Variants in CDK8 observed in about 807,000 individuals in gnomAD.
CDK8 encodes cyclin-dependent kinase 8.
Under a neutral mutation model 71.5 loss-of-function variants are expected in CDK8, and 29 were observed. The ratio of observed to expected loss-of-function variants is 0.41; its 90% CI spans 0.30 to 0.55. CDK8 has a LOEUF of 0.55. CDK8 is among the 20% of genes least tolerant of loss of function. The pLI, the probability that CDK8 is intolerant of heterozygous loss-of-function variation, is 0.37. For synonymous variants in CDK8, 161 were observed against 192.1 expected (o/e 0.84, Z 1.34); for missense variants, 288 against 572.6 (o/e 0.50, Z 5.07).
chr13:26,363,325 C>A (rs369386574), intron 4 of CDK8, among the ~76,000 whole-genome samples: 2 of 784 alleles, frequency 2.6e-3, no homozygotes, highest in African/African-American at 0.014. Context: ...AAGACTCCAT[C>A]TCAAAAAAAA....
At chr13:26,267,142 A>C (rs1311487025) in intron 1 of CDK8, among the ~76,000 whole-genome samples, 4 of 151,960 alleles carry the variant, frequency 2.6e-5, no homozygotes, top group Admixed American at 6.5e-5. Flanking sequence ...GATGATACAT[A>C]TGCATATATT....
chr13:26,373,063 TCTGTCCACAC>T (rs1366740928), intron 4 of CDK8, among the ~76,000 whole-genome samples: 3 of 152,164 alleles, frequency 2.0e-5, no homozygotes, highest in African/African-American at 7.2e-5. Context: ...GAAAAGTTCT[TCTGTCCACAC>T]CTGCTTAGGT....
At position 26,393,654 on chromosome 13, in the gene CDK8, C is replaced by T. The variant is rs927314321; in HGVS notation, c.790+144C>T. 3.9e-5 allele frequency: 31 copies of T among 790,282 alleles called. No homozygotes were observed. The African/African-American group carries it at 5.2e-4, about 13-fold the overall frequency. The allele number at this position is 790,282 out of a possible 1,614,324, so 49.0% of individuals were successfully genotyped here. A position where few individuals can be genotyped will look rare whatever the true frequency, so the allele number is the denominator to read the frequency against. Reference sequence around the variant, plus strand: ...TTTTGACTTGCATTTATCAAAGATCCGTAGAAACAGCAAAATTTGTAGAGT... The same window carrying T: ...TTTTGACTTGCATTTATCAAAGATCTGTAGAAACAGCAAAATTTGTAGAGT... On this transcript the variant is annotated intron_variant, in intron 7 of 12. Transcript: ENST00000381527.
chr13:26,282,390 C>T (rs1344226662), intron 1 of CDK8, among the ~76,000 whole-genome samples: 5 of 152,154 alleles, frequency 3.3e-5, no homozygotes, highest in African/African-American at 1.2e-4. Flanking sequence ...CCCTACAAGC[C>T]AGAAGGGATT....
At chr13:26,340,134 C>CT (rs1486839042) in intron 2 of CDK8, among the ~76,000 whole-genome samples, 2 of 151,952 alleles carry the variant, frequency 1.3e-5, no homozygotes, top group East Asian at 1.9e-4. Context: ...TTATCAAATG[C>CT]TTTTTTCTGC....
intron 1 of CDK8, among the ~76,000 whole-genome samples, chr13:26,304,531 A>G (rs529353516): frequency 1.5e-4 from 23 of 152,156 alleles, no homozygotes; most frequent in African/African-American, 5.5e-4. Flanking sequence ...TAGAGATTAA[A>G]ACATGCATTT....
chr13:26,281,962 A>T (rs1593236661), intron 1 of CDK8, among the ~76,000 whole-genome samples: 1 of 152,090 alleles, frequency 6.6e-6, no homozygotes, highest in African/African-American at 2.4e-5. Flanking sequence ...AAATAGAAGA[A>T]AGAACTTCAG....
At chr13:26,351,615 A>G (rs924514280) in intron 3 of CDK8, among the ~76,000 whole-genome samples, 2 of 152,206 alleles carry the variant, frequency 1.3e-5, no homozygotes, top group African/African-American at 4.8e-5. Context: ...TTAATTTTAC[A>G]TGTAGGTACA....
At chr13:26,329,862 G>T (rs867968987) in intron 1 of CDK8, among the ~76,000 whole-genome samples, 10 of 152,004 alleles carry the variant, frequency 6.6e-5, no homozygotes, top group African/African-American at 2.4e-4. Context: ...TTTATTTTGT[G>T]GTATGTTTAG....
chr13:26,309,059 AC>A lies in CDK8; in HGVS notation c.129-28507del, dbSNP rs202232917. Among the ~76,000 whole-genome samples the A allele has an allele frequency of 6.1e-3, 922 of 152,242 alleles. 13 individuals carry two copies. Among genetic ancestry groups the A allele is most frequent in the African/African-American group, 0.021 (892 of 41,498 alleles). ...AATGAATCAGCATTTTCCTGTACTT[AC>A]GACAGTGCTAGGAACATAGTATTTA... On this transcript the variant is annotated intron_variant, in intron 1 of 12. Transcript: ENST00000381527.
chr13:26,261,398 C>T (rs923030706), intron 1 of CDK8, among the ~76,000 whole-genome samples: 2 of 152,158 alleles, frequency 1.3e-5, no homozygotes, highest in Non-Finnish European at 2.9e-5. Context: ...GTGCAACCAC[C>T]ATCACTGTCT....
At chr13:26,298,500 C>G (rs888168302) in intron 1 of CDK8, among the ~76,000 whole-genome samples, 11 of 152,112 alleles carry the variant, frequency 7.2e-5, no homozygotes, top group Non-Finnish European at 1.2e-4. Context: ...ACAGCTCTAG[C>G]AAAGTGGATG....
At position 26,368,173 on chromosome 13, in the gene CDK8, C is replaced by T. The variant is rs17083936; in HGVS notation, c.456+14293C>T. On this transcript the variant is annotated intron_variant, in intron 4 of 12. Transcript: ENST00000381527. ...CCACATTTTACACAGTCGAATTTTT[C>T]GGACTCCAATAATTGCCTCATGGTC... Among the ~76,000 whole-genome samples, 627 of 152,274 alleles carry T rather than the reference C, an allele frequency of 4.1e-3. 5 individuals carry two copies. Among genetic ancestry groups the T allele is most frequent in the African/African-American group, 0.014 (564 of 41,530 alleles).
rs779227421 is a variant in CDK8 at position 26,337,539 on chromosome 13, A to G, written c.129-28A>G. ...AATGCACATAAATATAGATTTATCTATATATTAAAATAACTTTGTTTTTAC... is the reference window on the plus strand; with the variant it reads ...AATGCACATAAATATAGATTTATCTGTATATTAAAATAACTTTGTTTTTAC... On this transcript the variant is annotated intron_variant, in intron 1 of 12. Transcript: ENST00000381527. 6.5e-6 allele frequency: 6 copies of G among 925,342 alleles called. No homozygotes were observed. In the South Asian group the frequency reaches 8.8e-5, roughly 14 times the overall value. 57.3% of individuals were successfully genotyped at this position (925,342 alleles called of 1,614,324 possible). A position where few individuals can be genotyped will look rare whatever the true frequency, so the allele number is the denominator to read the frequency against.
At chr13:26,287,174 G>C (rs1873062458) in intron 1 of CDK8, among the ~76,000 whole-genome samples, 2 of 152,126 alleles carry the variant, frequency 1.3e-5, no homozygotes, top group Non-Finnish European at 2.9e-5. Context: ...GTCATTATTT[G>C]AAAAAGACAC....
chr13:26,330,899 C>G (rs572134771), intron 1 of CDK8, among the ~76,000 whole-genome samples: 2 of 152,260 alleles, frequency 1.3e-5, no homozygotes, highest in South Asian at 4.2e-4. Flanking sequence ...CTGCCATAAG[C>G]ATGTGAGTGC....
intron 6 of CDK8, 117 bp from the exon 7 acceptor site, chr13:26,393,250 T>G (rs2138062605): frequency 3.2e-6 from 2 of 623,204 alleles, no homozygotes; most frequent in East Asian, 5.7e-5. Context: ...AAAAAAACAC[T>G]CCCCAAGAAA....
rs71431790 is a variant in CDK8 at position 26,354,553 on chromosome 13, G to A, written c.456+673G>A. 5.0e-3 allele frequency among the ~76,000 whole-genome samples: 755 copies of A among 152,272 alleles called. 2 individuals are homozygous for A. The highest frequency in any genetic ancestry group is 8.0e-3 in the Non-Finnish European group (547 of 68,028). ...CCAGGCCACACAGCAGGAGGTGAGCGGTGGGTGAGCATTACCACCTGAGCT... is the reference window on the plus strand; with the variant it reads ...CCAGGCCACACAGCAGGAGGTGAGCAGTGGGTGAGCATTACCACCTGAGCT... On this transcript the variant is annotated intron_variant, in intron 4 of 12. Coordinates refer to ENST00000381527, the MANE Select transcript of CDK8 (RefSeq NM_001260.3).
chr13:26,345,200 G>T (rs184968936), intron 2 of CDK8, among the ~76,000 whole-genome samples: 3 of 152,238 alleles, frequency 2.0e-5, no homozygotes, highest in African/African-American at 7.2e-5. Context: ...ACATTCCAAG[G>T]TACTGGGGGT....
Sources: gnomAD v4.1 joint callset for allele counts (sites outside exome capture counted in the v4.1 genomes callset) on GRCh38, gnomAD v4.1.1 for gene constraint, MANE v1.5 for transcripts, NCBI Gene and HGNC (gene_info 2026-07-23, HGNC 2026-07-21) for gene names.